NRXN3: variants seen among roughly 807,000 people sequenced by gnomAD.
The protein encoded by NRXN3 is neurexin III.
A neutral mutation model predicts 137.6 loss-of-function variants in NRXN3; 32 were observed. That is an observed-to-expected ratio of 0.23 (90% CI 0.18 to 0.31). The LOEUF is 0.31. Ranked by LOEUF, NRXN3 falls within the 10% of genes least tolerant of loss-of-function variation. The pLI, the probability that NRXN3 is intolerant of heterozygous loss-of-function variation, is 1.00. For missense variants in NRXN3, 1,574 were observed against 2,062.5 expected (o/e 0.76, Z 4.59); for synonymous variants, 798 against 784.5 (o/e 1.02, Z -0.29).
intron 15 of NRXN3, among the ~76,000 whole-genome samples, chr14:79,012,940 G>T (rs2099573530): frequency 6.6e-6 from 1 of 152,116 alleles, no homozygotes; most frequent in Admixed American, 6.6e-5. Flanking sequence ...ATTTTCTTCA[G>T]CATTTTGCAA....
chr14:78,617,912 G>A (rs1190499387), intron 4 of NRXN3, among the ~76,000 whole-genome samples: 1 of 144,210 alleles, frequency 6.9e-6, no homozygotes, highest in Non-Finnish European at 1.5e-5. Context: ...GCCATTGAAA[G>A]TAATGGCAAA....
At chr14:79,207,880 AT>A (rs2067025428) in intron 15 of NRXN3, among the ~76,000 whole-genome samples, 1 of 151,942 alleles carries the variant, frequency 6.6e-6, no homozygotes, top group South Asian at 2.1e-4. Context: ...TTTAAATTTT[AT>A]TTAATAAATA....
chr14:79,824,591 A>G (rs1362644405), intron 20 of NRXN3, among the ~76,000 whole-genome samples: 1 of 152,232 alleles, frequency 6.6e-6, no homozygotes, highest in Non-Finnish European at 1.5e-5. Flanking sequence ...AGCTGGTAAA[A>G]CAAATGGTCC....
chr14:79,323,867 A>G (rs561123999), intron 15 of NRXN3, among the ~76,000 whole-genome samples: 2 of 152,232 alleles, frequency 1.3e-5, no homozygotes, highest in Non-Finnish European at 2.9e-5. Flanking sequence ...CAAAAAAAAA[A>G]AATTATATAG....
At chr14:79,053,162 T>C (rs1242405444) in intron 15 of NRXN3, among the ~76,000 whole-genome samples, 3 of 152,172 alleles carry the variant, frequency 2.0e-5, no homozygotes, top group Non-Finnish European at 4.4e-5. Flanking sequence ...TTACATTTAA[T>C]TGTGGATAGG....
chr14:78,544,143 A>G (rs1165165486), intron 4 of NRXN3, among the ~76,000 whole-genome samples: 1 of 152,188 alleles, frequency 6.6e-6, no homozygotes, highest in East Asian at 1.9e-4. Flanking sequence ...CCTGGGGCAC[A>G]CCATGAGAGA....
chr14:78,934,426 G>A (rs2099329954), intron 10 of NRXN3, among the ~76,000 whole-genome samples: 1 of 152,120 alleles, frequency 6.6e-6, no homozygotes, highest in South Asian at 2.1e-4. Context: ...GGGTGTCTTT[G>A]CACACATGAT....
Position 79,196,010 on chromosome 14 carries a change from C to T in NRXN3, c.3262+207869C>T, listed in dbSNP as rs114055751. Among the ~76,000 whole-genome samples the T allele has an allele frequency of 3.3e-3, 502 of 152,246 alleles. 2 individuals are homozygous for T. Among genetic ancestry groups the T allele is most frequent in the African/African-American group, 0.011 (469 of 41,530 alleles). On this transcript the variant is annotated intron_variant, in intron 15 of 20. Transcript: ENST00000335750. ...TGGGACTTCTTATTCTCAGATTTGCCTCACACCCACTTAAGAAAAATACCA... is the reference window on the plus strand; with the variant it reads ...TGGGACTTCTTATTCTCAGATTTGCTTCACACCCACTTAAGAAAAATACCA...
chr14:79,103,552 A>T (rs565734628), intron 15 of NRXN3, among the ~76,000 whole-genome samples: 1 of 152,240 alleles, frequency 6.6e-6, no homozygotes, highest in African/African-American at 2.4e-5. Flanking sequence ...TCGGGAGGGA[A>T]GTTGGGGCCA....
intron 15 of NRXN3, among the ~76,000 whole-genome samples, chr14:79,379,071 G>T (rs891643267): frequency 1.3e-5 from 2 of 152,080 alleles, no homozygotes; most frequent in African/African-American, 4.8e-5. Flanking sequence ...TCAGCCACTG[G>T]TATTCAACTG....
At chr14:78,905,028 A>G (rs2099210980) in intron 10 of NRXN3, among the ~76,000 whole-genome samples, 2 of 151,996 alleles carry the variant, frequency 1.3e-5, no homozygotes, top group African/African-American at 2.4e-5. Context: ...CTCTTTGGCC[A>G]TGTATCCTTT....
intron 16 of NRXN3, among the ~76,000 whole-genome samples, chr14:79,563,583 G>A (rs750182686): frequency 9.3e-5 from 14 of 150,324 alleles, no homozygotes; most frequent in African/African-American, 2.7e-4. Context: ...GATTTTTTCC[G>A]TTACAGTGCA....
At chr14:78,333,822 G>A (rs1485676648) in intron 4 of NRXN3, among the ~76,000 whole-genome samples, 2 of 152,102 alleles carry the variant, frequency 1.3e-5, no homozygotes, top group Non-Finnish European at 2.9e-5. Context: ...TCTGTGTAGA[G>A]AATCTCTCTT....
chr14:79,020,128 C>CT (rs1568009937), intron 15 of NRXN3, among the ~76,000 whole-genome samples: 182 of 13,338 alleles, frequency 0.014, 9 homozygotes, highest in African/African-American at 0.043. Flanking sequence ...TTTTCCTTTC[C>CT]CTTCCCTTCC....
At chr14:78,704,411 C>T (rs1264067724) in intron 6 of NRXN3, among the ~76,000 whole-genome samples, 1 of 152,134 alleles carries the variant, frequency 6.6e-6, no homozygotes, top group African/African-American at 2.4e-5. Context: ...AAAGGCACTG[C>T]AGCCTAGGAA....
chr14:79,506,553 C>G (rs17109321), intron 16 of NRXN3, among the ~76,000 whole-genome samples: 2,165 of 152,266 alleles, frequency 0.014, 89 homozygotes, highest in East Asian at 0.12. Flanking sequence ...TCATAAGACC[C>G]TAAAGCCTTC....
At chr14:78,262,822 C>T (rs2070996886) in intron 2 of NRXN3, among the ~76,000 whole-genome samples, 1 of 152,188 alleles carries the variant, frequency 6.6e-6, no homozygotes, top group Non-Finnish European at 1.5e-5. Flanking sequence ...ATGGGCCATT[C>T]TTCCTTGATT....
chr14:79,137,254 C>A (rs1596369223), intron 15 of NRXN3, among the ~76,000 whole-genome samples: 1 of 152,156 alleles, frequency 6.6e-6, no homozygotes, highest in East Asian at 1.9e-4. Flanking sequence ...TGGCCTTCAG[C>A]TGGAGGAAGG....
chr14:78,294,363 TG>T (rs2076101270), intron 3 of NRXN3, among the ~76,000 whole-genome samples: 1 of 152,108 alleles, frequency 6.6e-6, no homozygotes, highest in South Asian at 2.1e-4. Flanking sequence ...GAGACCAGCC[TG>T]GCTAACATGG....
Sources: gnomAD v4.1 joint callset for allele counts (sites outside exome capture counted in the v4.1 genomes callset) on GRCh38, gnomAD v4.1.1 for gene constraint, MANE v1.5 for transcripts, NCBI Gene and HGNC (gene_info 2026-07-23, HGNC 2026-07-21) for gene names.